FRMD5: variants seen among roughly 807,000 people sequenced by gnomAD.
FRMD5 encodes the protein FERM domain-containing protein 5.
FRMD5 carries 20 observed loss-of-function variants against 69.0 expected under a neutral mutation model. The ratio of observed to expected loss-of-function variants is 0.29; its 90% CI spans 0.20 to 0.42. The LOEUF is 0.42. FRMD5 is among the 10% of genes least tolerant of loss of function. FRMD5 has a pLI of 1.00. For missense variants in FRMD5, 595 were observed against 708.6 expected, an observed-to-expected ratio of 0.84 and a Z score of 1.82; for synonymous variants, 271 against 260.1, an observed-to-expected ratio of 1.04 and a Z score of -0.40.
In FRMD5 at chr15:44,039,219, G is replaced by A. The variant is rs201441840; in HGVS notation, c.103-114910C>T. The stretch of plus-strand genomic sequence containing the variant: ...CCCATCTCCCTGGGACAGAGCACCC[G>A]GGGGAAGGGGCAGCTGCAAGTGCAG... On this transcript the variant is annotated intron_variant, in intron 1 of 13. Transcript: ENST00000417257. Among the ~76,000 whole-genome samples the A allele has an allele frequency of 5.3e-5, 8 of 152,348 alleles. No individual in the cohort carries two copies. The East Asian group carries it at 1.3e-3, about 26-fold the overall frequency.
At chr15:44,107,232 T>G (rs1012023547) in intron 1 of FRMD5, among the ~76,000 whole-genome samples, 1 of 152,070 alleles carries the variant, frequency 6.6e-6, no homozygotes, top group African/African-American at 2.4e-5. Context: ...TAACCATAGC[T>G]AGAGAAAATA....
At chr15:44,143,072 A>T (rs1188657529) in intron 1 of FRMD5, among the ~76,000 whole-genome samples, 2 of 152,038 alleles carry the variant, frequency 1.3e-5, no homozygotes, top group Non-Finnish European at 2.9e-5. Context: ...AGCTCGGGTG[A>T]CACAGCGAGA....
rs538512327 is a variant in FRMD5, at chr15:44,157,725, G to A, written c.102+37228C>T. ...TTTGTCTCACTTCCTTTCTTCACTA[G>A]ACTCCAAATAAGAAAATGAAAGAGT... On this transcript the variant is annotated intron_variant, in intron 1 of 13. Coordinates refer to ENST00000417257, the MANE Select transcript of FRMD5 (RefSeq NM_032892.5). Among the ~76,000 whole-genome samples, 3 of 152,006 alleles carry A rather than the reference G, an allele frequency of 2.0e-5. No homozygotes were observed. The South Asian group carries it at 6.2e-4, about 32-fold the overall frequency.
rs999985096 is a variant in FRMD5, at chr15:44,195,222, T to C, written c.-168A>G. 39 of 543,048 alleles carry C rather than the reference T, an allele frequency of 7.2e-5. No individual in the cohort carries two copies. The highest frequency in any genetic ancestry group is 6.8e-4 in the African/African-American group (33 of 48,858). The allele number at this position is 543,048 out of a possible 1,614,324, so 33.6% of individuals were successfully genotyped here. A position where few individuals can be genotyped will look rare whatever the true frequency, so the allele number is the denominator to read the frequency against. ...CGTTCCTCCTCCTTATCCTCCTCCT[T>C]CCCTCAGCCGCCACCGCCTCCCCCC... On this transcript the variant is annotated 5_prime_UTR_variant, in exon 1 of 14. Transcript: ENST00000417257.
intron 13 of FRMD5, among the ~76,000 whole-genome samples, chr15:43,877,167 T>C (rs1293981194): frequency 6.6e-6 from 1 of 152,200 alleles, no homozygotes; most frequent in African/African-American, 2.4e-5. Flanking sequence ...TGTGGTTCTC[T>C]CTGCCTTTGT....
intron 1 of FRMD5, among the ~76,000 whole-genome samples, chr15:44,103,825 A>G (rs1252060657): frequency 1.3e-5 from 2 of 152,226 alleles, no homozygotes; most frequent in East Asian, 3.8e-4. Context: ...CAGTGGTCCC[A>G]TAAGACTAAA....
At chr15:43,902,293 G>A in intron 6 of FRMD5, 31 bp from the exon 7 acceptor site, 1 of 1,572,056 alleles carries the variant, frequency 6.4e-7, no homozygotes, top group South Asian at 1.1e-5. Flanking sequence ...TGATTTCAAG[G>A]TGTCTTGTTC....
At chr15:44,123,083 G>A (rs1394620806) in intron 1 of FRMD5, among the ~76,000 whole-genome samples, 5 of 152,120 alleles carry the variant, frequency 3.3e-5, no homozygotes, top group African/African-American at 7.2e-5. Flanking sequence ...AGTGGCTCAC[G>A]TCTGTAATCT....
At chr15:43,911,792 G>A (rs559331074) in intron 4 of FRMD5, among the ~76,000 whole-genome samples, 6 of 152,156 alleles carry the variant, frequency 3.9e-5, no homozygotes, top group South Asian at 4.1e-4. Context: ...TTCTGTTTTC[G>A]GGCTGAAGAA....
chr15:43,956,490 G>C (rs370573744), intron 1 of FRMD5, among the ~76,000 whole-genome samples: 44 of 152,208 alleles, frequency 2.9e-4, no homozygotes, highest in Middle Eastern at 6.8e-3. Context: ...CATGATGTGA[G>C]ACGACTTTTT....
At chr15:44,052,531 C>T (rs1892712049) in intron 1 of FRMD5, among the ~76,000 whole-genome samples, 1 of 152,148 alleles carries the variant, frequency 6.6e-6, no homozygotes. Flanking sequence ...ACAGCCACTT[C>T]TTTTTACATA....
chr15:44,098,391 G>T (rs956645916), intron 1 of FRMD5, among the ~76,000 whole-genome samples: 1 of 152,038 alleles, frequency 6.6e-6, no homozygotes, highest in Admixed American at 6.5e-5. Flanking sequence ...TGGGTGTGGT[G>T]GTGCATGCCT....
intron 10 of FRMD5, among the ~76,000 whole-genome samples, chr15:43,886,875 G>C (rs1286196508): frequency 6.6e-6 from 1 of 152,174 alleles, no homozygotes; most frequent in African/African-American, 2.4e-5. Flanking sequence ...ATCTCACCCA[G>C]GCTTTTACCG....
intron 1 of FRMD5, among the ~76,000 whole-genome samples, chr15:43,940,391 A>G (rs1375112795): frequency 6.6e-6 from 1 of 152,166 alleles, no homozygotes; most frequent in East Asian, 1.9e-4. Context: ...GATTCCCTTG[A>G]CTATCCATTA....
chr15:44,146,702 ATGG>A (rs2077362036), intron 1 of FRMD5, among the ~76,000 whole-genome samples: 1 of 152,044 alleles, frequency 6.6e-6, no homozygotes, highest in Non-Finnish European at 1.5e-5. Flanking sequence ...ATGGTGTGAG[ATGG>A]TATCTCATTG....
At chr15:44,162,262 C>T (rs1004716653) in intron 1 of FRMD5, among the ~76,000 whole-genome samples, 1 of 78,268 alleles carries the variant, frequency 1.3e-5, no homozygotes, top group African/African-American at 3.5e-5. Context: ...CCGTGCCAGG[C>T]CTTTTTTTTT....
At chr15:44,116,799 G>A (rs966155754) in intron 1 of FRMD5, among the ~76,000 whole-genome samples, 30 of 152,138 alleles carry the variant, frequency 2.0e-4, no homozygotes, top group Admixed American at 5.2e-4. Flanking sequence ...GTGACTGCAC[G>A]GGCTGGGTGC....
rs1009379459 is a variant in FRMD5 at position 43,871,799 on chromosome 15, A to C, written c.*2086T>G. The C allele has an allele frequency of 3.3e-5, 5 of 152,190 alleles. No individual in the cohort carries two copies. Among genetic ancestry groups the C allele is most frequent in the African/African-American group, 1.2e-4 (5 of 41,434 alleles). The allele number at this position is 152,190 out of a possible 1,614,324, so 9.4% of individuals were successfully genotyped here. On this transcript the variant is annotated 3_prime_UTR_variant, in exon 14 of 14. Transcript: ENST00000417257. Reference sequence around the variant, plus strand: ...AGCATTCCAGTATTTGATCTTGCCCATTTGGCATCAGACATCTCTTTGCTG... The same window carrying C: ...AGCATTCCAGTATTTGATCTTGCCCCTTTGGCATCAGACATCTCTTTGCTG...
intron 1 of FRMD5, among the ~76,000 whole-genome samples, chr15:43,942,228 T>A (rs1264258477): frequency 2.0e-5 from 3 of 152,218 alleles, no homozygotes; most frequent in African/African-American, 4.8e-5. Context: ...TGCTAGGAAT[T>A]CATAATTAAA....
Sources: gnomAD v4.1 joint callset for allele counts (sites outside exome capture counted in the v4.1 genomes callset) on GRCh38, gnomAD v4.1.1 for gene constraint, MANE v1.5 for transcripts, NCBI Gene and HGNC (gene_info 2026-07-23, HGNC 2026-07-21) for gene names.